The following ZNF69 variants were observed in gnomAD, a reference collection of about 807,000 sequenced individuals.
The protein encoded by ZNF69 is ZNF3.
ZNF69 carries 47 observed loss-of-function variants against 50.9 expected under a neutral mutation model. That is an observed-to-expected ratio of 0.92 (90% CI 0.73 to 1.18). ZNF69 has a LOEUF of 1.18. Among genes scored for constraint, ZNF69 ranks in the 50% most tolerant of loss-of-function variants. ZNF69 has a pLI of 0.00. For synonymous variants in ZNF69, 216 were observed against 223.1 expected (o/e 0.97, Z 0.29); for missense variants, 717 against 675.1 (o/e 1.06, Z -0.69).
chr19:11,903,119 A>C (rs1470474412), intron 1 of ZNF69, among the ~76,000 whole-genome samples: 3 of 152,152 alleles, frequency 2.0e-5, no homozygotes, highest in Non-Finnish European at 4.4e-5. Context: ...CCTGGGTAAC[A>C]GAACGAGACG....
rs567867938 is a variant in ZNF69 at position 11,895,235 on chromosome 19, C to T, written c.63+7249C>T. 2.6e-5 allele frequency among the ~76,000 whole-genome samples: 4 copies of T among 152,334 alleles called. No homozygotes were observed. The East Asian group carries it at 7.7e-4, about 29-fold the overall frequency. ...TAGATCAGGTAAGACACAGAAGAGGCAACTCAACAAAGCCCATGACATACA... is the reference window on the plus strand; with the variant it reads ...TAGATCAGGTAAGACACAGAAGAGGTAACTCAACAAAGCCCATGACATACA... On this transcript the variant is annotated intron_variant, in intron 1 of 3. Coordinates refer to ENST00000429654, the MANE Select transcript of ZNF69 (RefSeq NM_001364730.1).
the ZNF69 span, chr19:11,949,933 A>G: frequency 2.5e-6 from 4 of 1,613,702 alleles, no homozygotes; most frequent in Non-Finnish European, 3.4e-6. Flanking sequence ...AAACCTTCAG[A>G]TGCATGAAAG....
At chr19:11,967,727 A>G in the ZNF69 span, among the ~76,000 whole-genome samples, 1 of 152,188 alleles carries the variant, frequency 6.6e-6, no homozygotes, top group South Asian at 2.1e-4. Context: ...TAAAAAAAGA[A>G]AAAAGAAAAA....
At chr19:11,957,030 T>C in the ZNF69 span, among the ~76,000 whole-genome samples, 1 of 152,148 alleles carries the variant, frequency 6.6e-6, no homozygotes, top group African/African-American at 2.4e-5. Flanking sequence ...TGACAGTTTT[T>C]GTCATGGAGC....
At chr19:11,935,233 GTTTT>G in the ZNF69 span, among the ~76,000 whole-genome samples, 1 of 93,234 alleles carries the variant, frequency 1.1e-5, no homozygotes, top group East Asian at 3.4e-4. Context: ...GAAAGATCTT[GTTTT>G]TTTTTTTTTT....
chr19:11,893,705 C>G (rs1035567162), intron 1 of ZNF69, among the ~76,000 whole-genome samples: 1 of 152,126 alleles, frequency 6.6e-6, no homozygotes, highest in African/African-American at 2.4e-5. Context: ...CCCGGAGGGT[C>G]TCATGGGTAT....
rs1016937162 is a variant in ZNF69 at position 11,903,621 on chromosome 19, T to C, written c.112T>C (p.Trp38Arg). The change falls in exon 2 of 4, where the codon TGG becomes CGG. Residue 38 changes from tryptophan (W) to arginine (R), a missense_variant. Transcript: ENST00000429654. ...TGCTGTGAACTTCACCCAGGAGGAG[T>C]GGGCTTTGCTGGATATTTCCCAGAG... ...DVAVNFTQEE[W>R]ALLDISQRKL... 2 of 1,613,904 alleles carry C rather than the reference T, an allele frequency of 1.2e-6. No homozygotes were observed. The highest frequency in any genetic ancestry group is 4.5e-5 in the East Asian group (2 of 44,860).
chr19:11,912,228 A>C (rs1261310180), intron 4 of ZNF69, among the ~76,000 whole-genome samples: 1 of 151,892 alleles, frequency 6.6e-6, no homozygotes, highest in Non-Finnish European at 1.5e-5. Context: ...AGCGTTCCAT[A>C]ATTTCTCTTC....
At chr19:11,916,624 A>G (rs1246376714), downstream of ZNF69, among the ~76,000 whole-genome samples, 4 of 152,176 alleles carry the variant, frequency 2.6e-5, no homozygotes, top group African/African-American at 9.7e-5. Context: ...AAAAAAGAAA[A>G]AAGTTCAGGG....
the ZNF69 span, among the ~76,000 whole-genome samples, chr19:11,932,117 T>C: frequency 2.1e-5 from 3 of 146,186 alleles, no homozygotes; most frequent in Admixed American, 6.7e-5. Context: ...GAGTGAAACT[T>C]TGTCTCAAAA....
chr19:11,913,328 T>A (rs917036106), intron 4 of ZNF69: 2 of 549,656 alleles, frequency 3.6e-6, no homozygotes, highest in East Asian at 3.2e-5. Flanking sequence ...ATCTTTTTTT[T>A]TTCGGAAATT....
chr19:11,888,801 C>G (rs983881489), intron 1 of ZNF69, among the ~76,000 whole-genome samples: 9 of 152,010 alleles, frequency 5.9e-5, no homozygotes, highest in African/African-American at 1.9e-4. Context: ...AACCCCGTCT[C>G]TACTAAAAAT....
chr19:11,905,602 C>A lies in ZNF69; in HGVS notation c.1205C>A (p.Ser402Tyr). The change falls in exon 4 of 4, where the codon TCC becomes TAC. Residue 402 changes from serine (S) to tyrosine (Y), a missense_variant. Coordinates refer to ENST00000429654, the MANE Select transcript of ZNF69 (RefSeq NM_001364730.1). ...QCGKAFIHSS[S>Y]LRYHERIHTG... ...GGTAAAGCCTTCATTCATTCCAGTT[C>A]CCTTCGTTATCATGAAAGGATTCAC... is the stretch of plus-strand genomic sequence containing the variant. The A allele has an allele frequency of 1.2e-6, 2 of 1,613,390 alleles. No individual in the cohort carries two copies. Among genetic ancestry groups the A allele is most frequent in the Non-Finnish European group, 1.7e-6 (2 of 1,179,828 alleles).
the ZNF69 span, among the ~76,000 whole-genome samples, chr19:11,973,001 A>G: frequency 6.6e-6 from 1 of 152,228 alleles, no homozygotes; most frequent in African/African-American, 2.4e-5. Context: ...AATATATTAC[A>G]TGTGAACACG....
At chr19:11,948,723 T>C in the ZNF69 span, 1 of 1,613,302 alleles carries the variant, frequency 6.2e-7, no homozygotes, top group Non-Finnish European at 8.5e-7. Context: ...CCTTCCATTC[T>C]TTCAGTTTAT....
At chr19:11,890,685 C>G (rs1456069449) in intron 1 of ZNF69, among the ~76,000 whole-genome samples, 3 of 152,160 alleles carry the variant, frequency 2.0e-5, no homozygotes, top group Non-Finnish European at 4.4e-5. Context: ...TTCTCGAACT[C>G]CTGACCTCAA....
the ZNF69 span, among the ~76,000 whole-genome samples, chr19:11,945,424 T>C: frequency 6.6e-6 from 1 of 152,334 alleles, no homozygotes; most frequent in African/African-American, 2.4e-5. Context: ...TCTTGGTCCC[T>C]GGCTTGGGAA....
the ZNF69 span, among the ~76,000 whole-genome samples, chr19:11,923,129 G>A: frequency 6.6e-6 from 1 of 152,188 alleles, no homozygotes; most frequent in African/African-American, 2.4e-5. Context: ...CCAGGCTGTT[G>A]TTGAAAGGTC....
chr19:11,891,005 T>G (rs1261073754), intron 1 of ZNF69, among the ~76,000 whole-genome samples: 2 of 152,106 alleles, frequency 1.3e-5, no homozygotes, highest in Non-Finnish European at 2.9e-5. Flanking sequence ...ACTCTAAAAT[T>G]AGAAGTTAAG....
Sources: gnomAD v4.1 joint callset for allele counts (sites outside exome capture counted in the v4.1 genomes callset) on GRCh38, gnomAD v4.1.1 for gene constraint, MANE v1.5 for transcripts, NCBI Gene and HGNC (gene_info 2026-07-23, HGNC 2026-07-21) for gene names.